ERI3: variants seen among roughly 807,000 people sequenced by gnomAD.
The protein encoded by ERI3 is ERI1 exoribonuclease 3.
ERI3 carries 18 observed loss-of-function variants against 44.4 expected under a neutral mutation model. That is an observed-to-expected ratio of 0.41 (90% CI 0.28 to 0.60). ERI3 has a LOEUF of 0.60. ERI3 is among the 20% of genes least tolerant of loss of function. The probability of loss-of-function intolerance (pLI) is 0.36; values close to 1 mark genes in which losing one functional copy is unlikely to be tolerated. For synonymous variants in ERI3, 183 were observed against 164.8 expected (o/e 1.11, Z -0.84); for missense variants, 294 against 435.5 (o/e 0.68, Z 2.89).
intron 7 of ERI3, among the ~76,000 whole-genome samples, chr1:44,259,589 C>A (rs1014418262): frequency 1.3e-5 from 2 of 151,874 alleles, no homozygotes; most frequent in African/African-American, 4.8e-5. Flanking sequence ...TGCCTATAAT[C>A]CCAGCACTGT....
chr1:44,257,353 C>CG (rs767537963), intron 7 of ERI3, among the ~76,000 whole-genome samples: 3 of 151,882 alleles, frequency 2.0e-5, no homozygotes, highest in Non-Finnish European at 4.4e-5. Context: ...GATCAGGACC[C>CG]GATCAGGAGA....
chr1:44,297,060 C>A (rs1645625847), intron 6 of ERI3, among the ~76,000 whole-genome samples: 1 of 152,168 alleles, frequency 6.6e-6, no homozygotes, highest in South Asian at 2.1e-4. Context: ...AACAAAGAGA[C>A]AGGCTGCCTC....
intron 7 of ERI3, among the ~76,000 whole-genome samples, chr1:44,263,576 G>A (rs1644933723): frequency 6.6e-6 from 1 of 152,218 alleles, no homozygotes; most frequent in Non-Finnish European, 1.5e-5. Context: ...CCTCAGCTTT[G>A]TTCTAAACAG....
chr1:44,337,922 T>C (rs1646568407), intron 3 of ERI3, among the ~76,000 whole-genome samples: 1 of 152,168 alleles, frequency 6.6e-6, no homozygotes, highest in Non-Finnish European at 1.5e-5. Flanking sequence ...ACACACTCTA[T>C]AACCTAACCC....
Position 44,241,124 on chromosome 1 carries a change from C to G in ERI3, c.931+6815G>C, listed in dbSNP as rs1644424002. On this transcript the variant is annotated intron_variant, in intron 8 of 8. Transcript: ENST00000372257. The surrounding 1 kb of genome is among the most constrained non-coding windows in gnomAD (Gnocchi z 5.6). ...ACTCTAGGGATTGATTCTCAGGGTA[C>G]CAGGAACTGGGGGAGGGGCTGGCCT... is the stretch of plus-strand genomic sequence containing the variant. Among the ~76,000 whole-genome samples, 1 of 152,102 alleles carries G rather than the reference C, an allele frequency of 6.6e-6. No individual in the cohort carries two copies. The highest frequency in any genetic ancestry group is 2.1e-4 in the South Asian group (1 of 4,826).
chr1:44,250,624 C>T (rs1225313572), intron 7 of ERI3, among the ~76,000 whole-genome samples: 2 of 152,118 alleles, frequency 1.3e-5, no homozygotes, highest in Non-Finnish European at 2.9e-5. Context: ...GATGAATTGG[C>T]GTCTCCACTG....
At chr1:44,326,440 G>C (rs1393839352) in intron 3 of ERI3, among the ~76,000 whole-genome samples, 1 of 152,166 alleles carries the variant, frequency 6.6e-6, no homozygotes, top group Non-Finnish European at 1.5e-5. Context: ...TATGCACAAG[G>C]AGCTTATTTC....
chr1:44,314,139 T>G lies in ERI3; in HGVS notation c.607-911A>C, dbSNP rs149901645. Among the ~76,000 whole-genome samples the G allele has an allele frequency of 6.6e-4, 92 of 138,530 alleles. No individual in the cohort carries two copies. In the East Asian group the frequency reaches 0.018, roughly 26 times the overall value. 90.9% of individuals were successfully genotyped at this position (138,530 alleles called of 152,430 possible). On this transcript the variant is annotated intron_variant, in intron 4 of 8. Transcript: ENST00000372257. The stretch of plus-strand genomic sequence containing the variant: ...CTCAGACTTGCTTGGAAACTTCTTT[T>G]TTTTAAAGTGTGTTGGGGGGGGGGA...
intron 7 of ERI3, among the ~76,000 whole-genome samples, chr1:44,259,050 T>C (rs1454729731): frequency 6.6e-6 from 1 of 152,120 alleles, no homozygotes; most frequent in Non-Finnish European, 1.5e-5. Flanking sequence ...AACAAACATT[T>C]ACTGAGAGCC....
chr1:44,221,626 T>A lies in ERI3; in HGVS notation c.946A>T (p.Ile316Phe), dbSNP rs1211878175. Residue 316 changes from isoleucine to phenylalanine, a missense_variant, in exon 9 of 9, where the codon ATT (isoleucine) becomes TTT (phenylalanine). Coordinates refer to ENST00000372257, the MANE Select transcript of ERI3 (RefSeq NM_024066.3). This position sits in a 1 kb window ranked among gnomAD's most constrained non-coding sequence, Gnocchi z 5.9. ...GCGAGTGTCTTCATGATGTTGGCAATGTTCTTGCAGTCGTCTAAAAAGGAG... is the reference window on the plus strand; with the variant it reads ...GCGAGTGTCTTCATGATGTTGGCAAAGTTCTTGCAGTCGTCTAAAAAGGAG... ...PHSGIDDCKN[I>F]ANIMKTLAYR... is the part of the protein sequence containing the mutation. 6.2e-7 allele frequency: 1 copy of A among 1,613,960 alleles called. No homozygotes were observed. Among genetic ancestry groups the A allele is most frequent in the Non-Finnish European group, 8.5e-7 (1 of 1,179,954 alleles).
intron 8 of ERI3, among the ~76,000 whole-genome samples, chr1:44,233,906 C>T (rs894292410): frequency 1.3e-5 from 2 of 152,192 alleles, no homozygotes; most frequent in Admixed American, 1.3e-4. Flanking sequence ...TCTACCAACA[C>T]TGCTTTCTCT....
intron 7 of ERI3, among the ~76,000 whole-genome samples, chr1:44,281,669 G>T (rs1220354999): frequency 2.7e-5 from 4 of 148,418 alleles, no homozygotes; most frequent in South Asian, 2.1e-4. Context: ...GTTTACCTGT[G>T]TGCATGTTAT....
chr1:44,309,129 C>G (rs1378894136), intron 5 of ERI3, among the ~76,000 whole-genome samples: 1 of 152,232 alleles, frequency 6.6e-6, no homozygotes, highest in Non-Finnish European at 1.5e-5. Flanking sequence ...CCCTTCATCC[C>G]TTTGATCAGT....
chr1:44,344,319 T>C (rs1267774197), intron 2 of ERI3, among the ~76,000 whole-genome samples: 1 of 152,292 alleles, frequency 6.6e-6, no homozygotes, highest in East Asian at 1.9e-4. Context: ...GTTACAATTT[T>C]AAAATTAAAA....
Position 44,271,564 on chromosome 1 carries a change from ACCT to A in ERI3, c.831+13268_831+13270del, listed in dbSNP as rs548216067. Reference sequence around the variant, plus strand: ...TACTCTATCACTCACCAGCTGATGAACCTCTCTGCCCTTCAGTTTCCTCACCTG... The same window carrying A: ...TACTCTATCACTCACCAGCTGATGAACTCTGCCCTTCAGTTTCCTCACCTG... On this transcript the variant is annotated intron_variant, in intron 7 of 8. Transcript: ENST00000372257. Among the ~76,000 whole-genome samples, 841 of 152,316 alleles carry A rather than the reference ACCT, an allele frequency of 5.5e-3. 5 individuals carry two copies. Among genetic ancestry groups the A allele is most frequent in the Non-Finnish European group, 6.6e-3 (447 of 68,030 alleles).
chr1:44,222,704 GC>G (rs1643931829), intron 8 of ERI3, among the ~76,000 whole-genome samples: 1 of 152,180 alleles, frequency 6.6e-6, no homozygotes, highest in African/African-American at 2.4e-5. Flanking sequence ...GCCCACAGCA[GC>G]CACCAAACTC....
At chr1:44,304,338 A>G (rs187001334) in intron 6 of ERI3, among the ~76,000 whole-genome samples, 11 of 152,344 alleles carry the variant, frequency 7.2e-5, no homozygotes, top group African/African-American at 9.6e-5. Context: ...CAACCAGGAT[A>G]GAGATCAAAG....
chr1:44,298,270 C>T (rs1356605542), intron 6 of ERI3, among the ~76,000 whole-genome samples: 1 of 152,132 alleles, frequency 6.6e-6, no homozygotes, highest in Non-Finnish European at 1.5e-5. Context: ...TCCACAGGGG[C>T]CAGTCTCTCC....
intron 1 of ERI3, chr1:44,354,093 G>A (rs1363571226): frequency 1.0e-6 from 1 of 985,326 alleles, no homozygotes; most frequent in Non-Finnish European, 1.2e-6. Context: ...AGAATTTGAT[G>A]AAGCCAATTT....
Sources: allele counts gnomAD v4.1 joint callset (sites outside exome capture counted in the v4.1 genomes callset), GRCh38; gene constraint gnomAD v4.1.1; non-coding constraint Gnocchi (gnomAD v3.1); transcripts MANE v1.5; gene names NCBI Gene and HGNC (gene_info 2026-07-23, HGNC 2026-07-21).